Variants in MED12L observed in about 807,000 individuals in gnomAD.
The protein encoded by MED12L is mediator complex subunit 12L.
In MED12L, 60 loss-of-function variants were observed where a neutral mutation model predicts 281.3. That is an observed-to-expected ratio of 0.21 (90% confidence interval 0.17 to 0.26). The LOEUF (loss-of-function observed/expected upper bound fraction) is 0.26. Ranked by LOEUF, MED12L falls within the 10% of genes least tolerant of loss-of-function variation. The pLI is 1.00. For missense variants in MED12L, 2,146 were observed against 2,680.9 expected, an observed-to-expected ratio of 0.80 and a Z score of 4.41; for synonymous variants, 974 against 987.2, an observed-to-expected ratio of 0.99 and a Z score of 0.25.
At chr3:151,328,333 C>G (rs775216984) in intron 16 of MED12L, 1 of 1,613,314 alleles carries the variant, frequency 6.2e-7, no homozygotes, top group South Asian at 1.1e-5. Context: ...TACTTTTGGA[C>G]TTTCTATAAG....
intron 5 of MED12L, among the ~76,000 whole-genome samples, chr3:151,135,463 G>C (rs1411580433): frequency 2.6e-5 from 4 of 152,218 alleles, no homozygotes; most frequent in African/African-American, 7.2e-5. Context: ...TGATTATCCT[G>C]TGTTACTCCG....
At chr3:151,355,493 GTTAGGTTA>G (rs2150049581) in intron 18 of MED12L, among the ~76,000 whole-genome samples, 1 of 152,234 alleles carries the variant, frequency 6.6e-6, no homozygotes, top group South Asian at 2.1e-4. Flanking sequence ...TAATGAAATA[GTTAGGTTA>G]TTAGAGTTTG....
Position 151,192,592 on chromosome 3 carries a change from A to C in MED12L, c.2011A>C (p.Thr671Pro). 1 of 1,536,366 alleles carries C rather than the reference A, an allele frequency of 6.5e-7. No individual in the cohort carries two copies. The highest frequency in any genetic ancestry group is 8.7e-7 in the Non-Finnish European group (1 of 1,146,890). ...MAHMGIDSGT[T>P]NIFDEVDKSD... ...GCATATGGGCATTGACTCAGGAACC[A>C]CTAACATTTTTGATGAAGTAGACAA... Residue 671 changes from threonine (T) to proline (P), a missense_variant, in exon 15 of 45, where the codon ACT (threonine) becomes CCT (proline). Physicochemically the swap from Thr to Pro is conservative, Grantham distance 38 (BLOSUM62 -1). Transcript: ENST00000687756.
chr3:151,289,874 G>T (rs1744017527), intron 16 of MED12L, among the ~76,000 whole-genome samples: 1 of 147,408 alleles, frequency 6.8e-6, no homozygotes, highest in Non-Finnish European at 1.5e-5. Flanking sequence ...GAATATTCTC[G>T]AACACAATTT....
intron 16 of MED12L, chr3:151,198,540 T>A: frequency 6.2e-7 from 1 of 1,614,078 alleles, no homozygotes; most frequent in Non-Finnish European, 8.5e-7. Context: ...TAGTACAGGA[T>A]AGGATCAAAG....
intron 11 of MED12L, among the ~76,000 whole-genome samples, chr3:151,175,954 T>C (rs892024805): frequency 1.3e-5 from 2 of 152,238 alleles, no homozygotes; most frequent in Non-Finnish European, 2.9e-5. Context: ...AAGGACCTTA[T>C]TGATTTTTGA....
Position 151,156,381 on chromosome 3 carries a change from G to A in MED12L, c.726+51G>A, listed in dbSNP as rs754203165. ...TGTGTGCAATGCTTTTAAGAAGACA[G>A]CAAATTCCTTATAGTTTGGTGTTCT... On this transcript the variant is annotated intron_variant, in intron 6 of 44. Transcript: ENST00000687756. The A allele has an allele frequency of 4.7e-6, 7 of 1,497,014 alleles. No homozygotes were observed. The Admixed American group carries it at 1.6e-4, about 34-fold the overall frequency. The allele number at this position is 1,497,014 out of a possible 1,614,324, so 92.7% of individuals were successfully genotyped here. A position where few individuals can be genotyped will look rare whatever the true frequency, so the allele number is the denominator to read the frequency against.
At chr3:151,417,332 G>A (rs1028159942) in intron 43 of MED12L, among the ~76,000 whole-genome samples, 2 of 152,094 alleles carry the variant, frequency 1.3e-5, no homozygotes, top group Non-Finnish European at 2.9e-5. Flanking sequence ...TATAGAGATA[G>A]TACATGTGGA....
At chr3:151,226,185 T>C (rs376419389) in intron 16 of MED12L, among the ~76,000 whole-genome samples, 80 of 152,272 alleles carry the variant, frequency 5.3e-4, no homozygotes, top group African/African-American at 1.7e-3. Flanking sequence ...AATGGTGGCA[T>C]CAGGGCAGCC....
At position 151,143,571 on chromosome 3, in the gene MED12L, G is replaced by A. The variant is rs539083395; in HGVS notation, c.557-12590G>A. Among the ~76,000 whole-genome samples the A allele has an allele frequency of 4.9e-4, 75 of 152,324 alleles. 1 individual carries two copies. Among genetic ancestry groups the A allele is most frequent in the South Asian group, 4.8e-3 (23 of 4,824 alleles). ...GTCTTCAGAGTGGGGCTAGCAGCAA[G>A]TATCTTTCACCAGTGCTTGTCCTCC... is the stretch of plus-strand genomic sequence containing the variant. On this transcript the variant is annotated intron_variant, in intron 5 of 44. Transcript: ENST00000687756.
In MED12L at chr3:151,372,234, A is replaced by G. The variant is rs933043287; in HGVS notation, c.3665-333A>G. Among the ~76,000 whole-genome samples, 5 of 152,340 alleles carry G rather than the reference A, an allele frequency of 3.3e-5. No individual in the cohort carries two copies. The South Asian group carries it at 1.0e-3, about 32-fold the overall frequency. On this transcript the variant is annotated intron_variant, in intron 26 of 44. Coordinates refer to ENST00000687756, the MANE Select transcript of MED12L (RefSeq NM_001393769.1). The stretch of plus-strand genomic sequence containing the variant: ...CTTGTCTATAAGTCAAATGAATTTG[A>G]ATACATTCATGCTTGAAATATTGGT...
At chr3:151,328,714 A>G (rs368981427) in intron 16 of MED12L, 32 of 1,613,946 alleles carry the variant, frequency 2.0e-5, no homozygotes, top group Non-Finnish European at 2.5e-5. Context: ...AACGACACAC[A>G]AAAGCTCTGA....
In MED12L at chr3:151,193,418, G is replaced by T; in HGVS notation, c.2074-72G>T. 1 of 1,151,592 alleles carries T rather than the reference G, an allele frequency of 8.7e-7. No homozygotes were observed. The highest frequency in any genetic ancestry group is 1.4e-5 in the South Asian group (1 of 69,894). The allele number at this position is 1,151,592 out of a possible 1,614,324, so 71.3% of individuals were successfully genotyped here. A position where few individuals can be genotyped will look rare whatever the true frequency, so the allele number is the denominator to read the frequency against. On this transcript the variant is annotated intron_variant, in intron 15 of 44. Transcript: ENST00000687756. ...TATAAGTGTCTTATGTGTGTGTTTT[G>T]GTATGTAGCACTGTGGTTTGGTTTT...
chr3:151,193,470 A>G lies in MED12L; in HGVS notation c.2074-20A>G. 1 of 1,602,196 alleles carries G rather than the reference A, an allele frequency of 6.2e-7. No individual in the cohort carries two copies. Among genetic ancestry groups the G allele is most frequent in the South Asian group, 1.1e-5 (1 of 89,880 alleles). On this transcript the variant is annotated intron_variant, in intron 15 of 44. Coordinates refer to ENST00000687756, the MANE Select transcript of MED12L (RefSeq NM_001393769.1). ...CTGGCTTTCATTTACAATCTCCAACATTTGTTTTACATGACTTAGATTTTT... is the reference window on the plus strand; with the variant it reads ...CTGGCTTTCATTTACAATCTCCAACGTTTGTTTTACATGACTTAGATTTTT...
chr3:151,113,528 G>T (rs370473610), intron 2 of MED12L, among the ~76,000 whole-genome samples: 1 of 152,206 alleles, frequency 6.6e-6, no homozygotes, highest in African/African-American at 2.4e-5. Flanking sequence ...GCCTTCAGGG[G>T]GCAAGGGGAG....
intron 13 of MED12L, among the ~76,000 whole-genome samples, chr3:151,189,505 C>A (rs1016607278): frequency 1.3e-4 from 20 of 152,316 alleles, no homozygotes; most frequent in Admixed American, 9.8e-4. Context: ...TTGCTTCCCT[C>A]GTTTCTTCCC....
intron 10 of MED12L, 85 bp downstream of exon 10, chr3:151,165,604 A>G (rs2148979971): frequency 4.1e-6 from 5 of 1,207,682 alleles, no homozygotes; most frequent in Admixed American, 3.9e-5. Flanking sequence ...TTCCACATGA[A>G]TAAGGCAGCT....
At chr3:151,380,648 A>G (rs1272074669) in intron 32 of MED12L, among the ~76,000 whole-genome samples, 1 of 151,886 alleles carries the variant, frequency 6.6e-6, no homozygotes, top group African/African-American at 2.4e-5. Flanking sequence ...TTTTGAGTAG[A>G]CGCTGAGAAA....
intron 2 of MED12L, among the ~76,000 whole-genome samples, chr3:151,106,229 CTTCCTTCCT>C (rs1257359986): frequency 1.4e-5 from 2 of 147,510 alleles, no homozygotes; most frequent in Admixed American, 6.8e-5. Context: ...TCTTTCCTTC[CTTCCTTCCT>C]TTCCTTTCCT....
Sources: allele counts gnomAD v4.1 joint callset (sites outside exome capture counted in the v4.1 genomes callset), GRCh38; gene constraint gnomAD v4.1.1; transcripts MANE v1.5; gene names NCBI Gene and HGNC (gene_info 2026-07-23, HGNC 2026-07-21).